KCNJ16: variants seen among roughly 807,000 people sequenced by gnomAD.
The protein encoded by KCNJ16 is inward rectifier potassium channel 16.
Under a neutral mutation model 18.5 loss-of-function variants are expected in KCNJ16, and 15 were observed. That is an observed-to-expected ratio of 0.81 (90% CI 0.54 to 1.25). The LOEUF (loss-of-function observed/expected upper bound fraction) is 1.25. Ranked by LOEUF, KCNJ16 falls within the 50% of genes most tolerant of loss-of-function variation. KCNJ16 has a pLI of 0.00. For missense variants in KCNJ16, 523 were observed against 525.7 expected (o/e 0.99, Z 0.05); for synonymous variants, 174 against 186.5 (o/e 0.93, Z 0.55).
At chr17:70,122,876 G>A (rs921395212) in intron 2 of KCNJ16, among the ~76,000 whole-genome samples, 13 of 152,174 alleles carry the variant, frequency 8.5e-5, no homozygotes, top group African/African-American at 3.1e-4. Flanking sequence ...ATGTGGCCCT[G>A]CCGCACATGA....
chr17:70,086,683 A>C (rs964059887), intron 1 of KCNJ16, among the ~76,000 whole-genome samples: 1 of 152,114 alleles, frequency 6.6e-6, no homozygotes, highest in African/African-American at 2.4e-5. Context: ...TGGGCTTCTG[A>C]AGGTCCTTAT....
rs1193221867 is a variant in KCNJ16, at chr17:70,075,344, C to A, written c.-346C>A. On this transcript the variant is annotated 5_prime_UTR_variant, in exon 1 of 4. It adds an upstream start codon to the 5' untranslated region. Coordinates refer to ENST00000392671, the MANE Select transcript of KCNJ16 (RefSeq NM_170741.4). ...AAGAGCATTCTCTACCATTGCCCAGCTGAAAGCACCTAGCTCATAGATTCT... is the reference window on the plus strand; with the variant it reads ...AAGAGCATTCTCTACCATTGCCCAGATGAAAGCACCTAGCTCATAGATTCT... The A allele has an allele frequency of 6.6e-6, 1 of 152,110 alleles. No individual in the cohort carries two copies. Among genetic ancestry groups the A allele is most frequent in the Admixed American group, 6.6e-5 (1 of 15,266 alleles). 9.4% of individuals were successfully genotyped at this position (152,110 alleles called of 1,614,324 possible). A position where few individuals can be genotyped will look rare whatever the true frequency, so the allele number is the denominator to read the frequency against.
In KCNJ16 at chr17:70,132,546, G is replaced by A; in HGVS notation, c.459G>A (p.Gln153=). The change falls in exon 4 of 4, where the codon CAG becomes CAA. Residue 153 remains glutamine, a synonymous_variant. Transcript: ENST00000392671. The part of the protein sequence containing the change: ...CSVAVLMVIL[Q]SILSCIINTF... The stretch of plus-strand genomic sequence containing the variant: ...TGGCCGTGCTCATGGTGATCCTCCA[G>A]TCCATCTTAAGTTGCATCATAAATA... 6.2e-7 allele frequency: 1 copy of A among 1,614,198 alleles called. No homozygotes were observed. The highest frequency in any genetic ancestry group is 8.5e-7 in the Non-Finnish European group (1 of 1,180,032).
At chr17:70,110,950 C>T (rs576846895) in intron 2 of KCNJ16, among the ~76,000 whole-genome samples, 11 of 152,160 alleles carry the variant, frequency 7.2e-5, no homozygotes, top group African/African-American at 2.4e-4. Context: ...TACTTGTGTC[C>T]CCCAGTGTGT....
intron 1 of KCNJ16, among the ~76,000 whole-genome samples, chr17:70,098,680 AT>A (rs1006824640): frequency 6.6e-6 from 1 of 152,072 alleles, no homozygotes; most frequent in Non-Finnish European, 1.5e-5. Context: ...TCGAAGATTA[AT>A]TTTTTTCTGA....
intron 2 of KCNJ16, among the ~76,000 whole-genome samples, chr17:70,125,866 A>G (rs1325501390): frequency 6.6e-6 from 1 of 151,832 alleles, no homozygotes; most frequent in Non-Finnish European, 1.5e-5. Context: ...CGGGAGGTAG[A>G]GGTTGCAGTG....
chr17:70,132,095 A>G lies in KCNJ16; in HGVS notation c.8A>G (p.Tyr3Cys). 6.2e-7 allele frequency: 1 copy of G among 1,614,232 alleles called. No individual in the cohort carries two copies. The highest frequency in any genetic ancestry group is 8.5e-7 in the Non-Finnish European group (1 of 1,180,044). The change falls in exon 4 of 4, where the codon TAT (tyrosine) becomes TGT (cysteine). Residue 3 changes from tyrosine to cysteine, a missense_variant. By Grantham distance (194) the Tyr-to-Cys change is radical. Transcript: ENST00000392671. Reference sequence around the variant, plus strand: ...CTAAGGGCACAGCAAAGAATGAGCTATTACGGCAGCAGCTATCATATTATC... The same window carrying G: ...CTAAGGGCACAGCAAAGAATGAGCTGTTACGGCAGCAGCTATCATATTATC... MS[Y>C]YGSSYHIINA...
chr17:70,133,651 A>G lies in KCNJ16; in HGVS notation c.*307A>G. On this transcript the variant is annotated 3_prime_UTR_variant, in exon 4 of 4. Coordinates refer to ENST00000392671, the MANE Select transcript of KCNJ16 (RefSeq NM_170741.4). ...GTGTAGTATTCAAAAACGGGGAATG[A>G]AGGCAGGAAGGAGGCTGGAATAAAT... The G allele has an allele frequency of 4.2e-6, 1 of 240,620 alleles. No homozygotes were observed. The highest frequency in any genetic ancestry group is 8.7e-6 in the Non-Finnish European group (1 of 115,242). The allele number at this position is 240,620 out of a possible 1,614,324, so 14.9% of individuals were successfully genotyped here.
intron 2 of KCNJ16, among the ~76,000 whole-genome samples, chr17:70,109,955 C>G (rs1322309019): frequency 6.6e-6 from 1 of 152,170 alleles, no homozygotes; most frequent in South Asian, 2.1e-4. Flanking sequence ...ACCTGGCCAT[C>G]TGCACCTACA....
At chr17:70,105,957 T>A (rs909698230) in intron 2 of KCNJ16, among the ~76,000 whole-genome samples, 6 of 152,200 alleles carry the variant, frequency 3.9e-5, no homozygotes, top group African/African-American at 1.2e-4. Flanking sequence ...CTCCCCTGCC[T>A]TTTAAAAAAT....
intron 1 of KCNJ16, among the ~76,000 whole-genome samples, chr17:70,088,021 C>CAAAAAAAAAAAAAAAAA (rs10661960): frequency 2.0e-4 from 16 of 79,370 alleles, no homozygotes; most frequent in Non-Finnish European, 2.6e-4. Flanking sequence ...GACTCTGTCT[C>CAAAAAAAAAAAAAAAAA]AAAAAAAAAA....
chr17:70,103,324 A>ACACACACACACACATATAT (rs142139198), intron 2 of KCNJ16, among the ~76,000 whole-genome samples: 1 of 113,348 alleles, frequency 8.8e-6, no homozygotes, highest in South Asian at 2.9e-4. Context: ...ATATATATAC[A>ACACACACACACACATATAT]CACACATATA....
intron 2 of KCNJ16, among the ~76,000 whole-genome samples, chr17:70,126,049 CT>C (rs984216346): frequency 1.3e-5 from 2 of 152,074 alleles, no homozygotes; most frequent in Non-Finnish European, 2.9e-5. Context: ...GGGTGCAATG[CT>C]TTTATATATA....
intron 1 of KCNJ16, among the ~76,000 whole-genome samples, chr17:70,092,787 C>A (rs1324917369): frequency 6.6e-6 from 1 of 152,102 alleles, no homozygotes; most frequent in Non-Finnish European, 1.5e-5. Flanking sequence ...GGTCCAAAAA[C>A]CTGAAGCTCT....
intron 1 of KCNJ16, among the ~76,000 whole-genome samples, chr17:70,089,289 C>G (rs2071977100): frequency 6.6e-6 from 1 of 152,176 alleles, no homozygotes; most frequent in Non-Finnish European, 1.5e-5. Context: ...GACTGTTCTA[C>G]AGCAGGAATT....
At chr17:70,130,301 T>C (rs772447484) in intron 2 of KCNJ16, among the ~76,000 whole-genome samples, 13 of 152,180 alleles carry the variant, frequency 8.5e-5, no homozygotes, top group South Asian at 2.1e-4. Flanking sequence ...ATATTTTACA[T>C]TGGACCTTCC....
chr17:70,120,365 G>A (rs1230365593), intron 2 of KCNJ16, among the ~76,000 whole-genome samples: 3 of 152,136 alleles, frequency 2.0e-5, no homozygotes, highest in Non-Finnish European at 2.9e-5. Flanking sequence ...CAGTTTCAAA[G>A]CCACTTTCGC....
intron 1 of KCNJ16, among the ~76,000 whole-genome samples, chr17:70,090,279 A>T (rs1166359266): frequency 6.6e-6 from 1 of 152,178 alleles, no homozygotes; most frequent in Non-Finnish European, 1.5e-5. Flanking sequence ...GAAAACTCTA[A>T]GATAAGGAGA....
chr17:70,118,624 G>T (rs894202281), intron 2 of KCNJ16, among the ~76,000 whole-genome samples: 2 of 151,764 alleles, frequency 1.3e-5, no homozygotes, highest in Non-Finnish European at 2.9e-5. Flanking sequence ...AATTGAGGAG[G>T]GAGGTGCCAC....
Sources: gnomAD v4.1 joint callset for allele counts (sites outside exome capture counted in the v4.1 genomes callset) on GRCh38, gnomAD v4.1.1 for gene constraint, MANE v1.5 for transcripts, NCBI Gene and HGNC (gene_info 2026-07-23, HGNC 2026-07-21) for gene names.